The following COG5 variants were observed in gnomAD, a reference collection of about 807,000 sequenced individuals.
COG5 encodes the protein conserved oligomeric Golgi complex subunit 5.
In COG5, 86 loss-of-function variants were observed where a neutral mutation model predicts 110.4. The ratio of observed to expected loss-of-function variants is 0.78; its 90% confidence interval spans 0.65 to 0.93. The LOEUF (loss-of-function observed/expected upper bound fraction) is 0.93, where lower values mean the gene tolerates loss of function less well. Ranked by LOEUF, COG5 falls within the 40% of genes least tolerant of loss-of-function variation. The pLI, the probability that COG5 is intolerant of heterozygous loss-of-function variation, is 0.00. For synonymous variants in COG5, 360 were observed against 334.6 expected (o/e 1.08, Z -0.83); for missense variants, 1,077 against 987.0 (o/e 1.09, Z -1.22).
At chr7:107,528,602 C>T (rs60199892) in intron 5 of COG5, among the ~76,000 whole-genome samples, 1,847 of 152,228 alleles carry the variant, frequency 0.012, 20 homozygotes, top group Non-Finnish European at 0.018. Flanking sequence ...GGGTGACATA[C>T]TGAATAACCA....
intron 14 of COG5, among the ~76,000 whole-genome samples, chr7:107,279,456 A>G (rs1804989265): frequency 6.6e-6 from 1 of 152,194 alleles, no homozygotes; most frequent in Non-Finnish European, 1.5e-5. Context: ...TCTTTCTTCC[A>G]CTAAAGACTT....
chr7:107,550,101 C>A (rs912324527), intron 3 of COG5, among the ~76,000 whole-genome samples: 12 of 152,170 alleles, frequency 7.9e-5, no homozygotes, highest in African/African-American at 2.9e-4. Context: ...TCACACTTCT[C>A]TCCAGGCTAT....
intron 6 of COG5, among the ~76,000 whole-genome samples, chr7:107,511,455 C>G (rs1258654973): frequency 1.3e-5 from 2 of 152,182 alleles, no homozygotes; most frequent in Admixed American, 6.5e-5. Context: ...CAGCCAAATT[C>G]TACCAGACGT....
chr7:107,329,904 A>C (rs1449660704), intron 10 of COG5, among the ~76,000 whole-genome samples: 1 of 152,210 alleles, frequency 6.6e-6, no homozygotes, highest in Non-Finnish European at 1.5e-5. Flanking sequence ...TTAAGAAAAC[A>C]AAAACAAAAT....
chr7:107,370,130 C>T (rs1266201697), intron 8 of COG5, among the ~76,000 whole-genome samples: 2 of 150,576 alleles, frequency 1.3e-5, no homozygotes, highest in East Asian at 1.9e-4. Context: ...TTTTTCTCTT[C>T]TTAGGAAGTC....
rs115302270 is a variant in COG5 at position 107,486,705 on chromosome 7, T to G, written c.538+40532A>C. On this transcript the variant is annotated intron_variant, in intron 6 of 21. Transcript: ENST00000297135. ...CAAACAACTGAACTGCAATAGAAAGTCCATACAAGACTCAAGCAAATGTAA... is the reference window on the plus strand; with the variant it reads ...CAAACAACTGAACTGCAATAGAAAGGCCATACAAGACTCAAGCAAATGTAA... 6.3e-3 allele frequency among the ~76,000 whole-genome samples: 954 copies of G among 152,232 alleles called. 12 individuals are homozygous for G. The highest frequency in any genetic ancestry group is 0.022 in the African/African-American group (919 of 41,536).
At chr7:107,381,265 C>A (rs534283591) in intron 7 of COG5, among the ~76,000 whole-genome samples, 2 of 152,254 alleles carry the variant, frequency 1.3e-5, no homozygotes, top group Non-Finnish European at 2.9e-5. Flanking sequence ...TTCCTGACAC[C>A]TGGCTTTTCA....
chr7:107,457,077 TTAGAAA>T, intron 6 of COG5, among the ~76,000 whole-genome samples: 1 of 152,160 alleles, frequency 6.6e-6, no homozygotes, highest in Non-Finnish European at 1.5e-5. Context: ...TAACAAATTA[TTAGAAA>T]TACTAGAATG....
At chr7:107,205,203 G>C (rs1798674236) in intron 21 of COG5, among the ~76,000 whole-genome samples, 1 of 152,178 alleles carries the variant, frequency 6.6e-6, no homozygotes, top group African/African-American at 2.4e-5. Flanking sequence ...GTTCTTTATA[G>C]GAAATCTGGA....
intron 13 of COG5, among the ~76,000 whole-genome samples, chr7:107,281,772 T>C (rs1052550781): frequency 7.9e-5 from 12 of 152,232 alleles, no homozygotes; most frequent in Non-Finnish European, 1.0e-4. Flanking sequence ...TGAATGGAAA[T>C]GATGACCTTA....
At chr7:107,451,260 G>A (rs1296661654) in intron 6 of COG5, among the ~76,000 whole-genome samples, 3 of 152,126 alleles carry the variant, frequency 2.0e-5, no homozygotes, top group African/African-American at 7.2e-5. Context: ...AGAAAAAGGT[G>A]GCAGTGGTGA....
At chr7:107,460,349 C>T (rs987391) in intron 6 of COG5, among the ~76,000 whole-genome samples, 1 of 151,642 alleles carries the variant, frequency 6.6e-6, no homozygotes, top group Non-Finnish European at 1.5e-5. Flanking sequence ...GCTACAGTGA[C>T]CAGTAATCGT....
intron 6 of COG5, among the ~76,000 whole-genome samples, chr7:107,459,923 A>C (rs1174620469): frequency 6.6e-6 from 1 of 152,212 alleles, no homozygotes; most frequent in Non-Finnish European, 1.5e-5. Flanking sequence ...CAATGAGAGA[A>C]AGCACATTAT....
chr7:107,354,475 G>A (rs1004114540), intron 10 of COG5, among the ~76,000 whole-genome samples: 2 of 152,142 alleles, frequency 1.3e-5, no homozygotes, highest in Non-Finnish European at 2.9e-5. Flanking sequence ...TCAGGAGTTC[G>A]AGACCAGTCC....
At chr7:107,452,371 T>G (rs1269584569) in intron 6 of COG5, among the ~76,000 whole-genome samples, 2 of 152,166 alleles carry the variant, frequency 1.3e-5, no homozygotes, top group Admixed American at 1.3e-4. Flanking sequence ...CTCTCAACGC[T>G]TCCCTGTCTG....
At chr7:107,502,921 A>G (rs1798725055) in intron 6 of COG5, among the ~76,000 whole-genome samples, 1 of 141,534 alleles carries the variant, frequency 7.1e-6, no homozygotes, top group Admixed American at 7.3e-5. Context: ...TCTTTGTCAC[A>G]TGCACAGTTT....
chr7:107,276,162 C>G (rs1584609174), intron 14 of COG5, among the ~76,000 whole-genome samples: 1 of 152,276 alleles, frequency 6.6e-6, no homozygotes, highest in South Asian at 2.1e-4. Context: ...CACTAAGATT[C>G]TAGATGCCAT....
rs141983198 is a variant in COG5, at chr7:107,336,508, A to G, written c.1027-11987T>C. Among the ~76,000 whole-genome samples the G allele has an allele frequency of 1.1e-4, 17 of 152,322 alleles. No individual in the cohort carries two copies. In the East Asian group the frequency reaches 3.3e-3, roughly 29 times the overall value. Reference sequence around the variant, plus strand: ...GGGTGATGACAGTTAACAATAATCTATTGTACATTTCAAAATGGCTGGAAG... The same window carrying G: ...GGGTGATGACAGTTAACAATAATCTGTTGTACATTTCAAAATGGCTGGAAG... On this transcript the variant is annotated intron_variant, in intron 10 of 21. Transcript: ENST00000297135.
rs143894978 is a variant in COG5, at chr7:107,242,826, G to A, written c.1853+5570C>T. 3.0e-3 allele frequency among the ~76,000 whole-genome samples: 451 copies of A among 152,246 alleles called. 3 individuals carry two copies. Among genetic ancestry groups the A allele is most frequent in the African/African-American group, 0.01 (426 of 41,550 alleles). On this transcript the variant is annotated intron_variant, in intron 17 of 21. Coordinates refer to ENST00000297135, the MANE Select transcript of COG5 (RefSeq NM_006348.5). Reference sequence around the variant, plus strand: ...ACTGGGCTGACTGCAGTGAGTGAGTGCTAACATGCATCTGTCTGGGGTGGA... The same window carrying A: ...ACTGGGCTGACTGCAGTGAGTGAGTACTAACATGCATCTGTCTGGGGTGGA...
Sources: gnomAD v4.1 joint callset for allele counts (sites outside exome capture counted in the v4.1 genomes callset) on GRCh38, gnomAD v4.1.1 for gene constraint, MANE v1.5 for transcripts, NCBI Gene and HGNC (gene_info 2026-07-23, HGNC 2026-07-21) for gene names.